PTPRD: variants seen among roughly 807,000 people sequenced by gnomAD.
PTPRD encodes the protein protein tyrosine phosphatase receptor type D.
Under a neutral mutation model 214.5 loss-of-function variants are expected in PTPRD, and 34 were observed. The ratio of observed to expected loss-of-function variants is 0.16; its 90% CI spans 0.12 to 0.21. PTPRD has a LOEUF of 0.21. PTPRD is among the 10% of genes least tolerant of loss of function. PTPRD has a pLI of 1.00. For missense variants in PTPRD, 2,545 were observed against 2,398.7 expected (o/e 1.06, Z -1.27); for synonymous variants, 1,128 against 845.7 (o/e 1.33, Z -5.79).
Position 9,556,030 on chromosome 9 carries a change from G to A in PTPRD, c.-237+18702C>T, listed in dbSNP as rs549486761. On this transcript the variant is annotated intron_variant, in intron 8 of 45. Coordinates refer to ENST00000381196, the MANE Select transcript of PTPRD (RefSeq NM_002839.4). ...AACAATGTGGGGGACCCCACAGGTA[G>A]CCAAAAATCTTTGTGTAACTTTTGA... 3.3e-5 allele frequency among the ~76,000 whole-genome samples: 5 copies of A among 152,180 alleles called. No individual in the cohort carries two copies. In the South Asian group the frequency reaches 1.0e-3, roughly 32 times the overall value.
chr9:9,650,075 T>C (rs1564310111), intron 7 of PTPRD, among the ~76,000 whole-genome samples: 1 of 152,100 alleles, frequency 6.6e-6, no homozygotes, highest in Non-Finnish European at 1.5e-5. Context: ...GGGAGGAACC[T>C]GGTGGGAGGT....
At chr9:10,340,901 A>G (rs781255999) in intron 3 of PTPRD, 62 bp downstream of exon 3, 12 of 151,958 alleles carry the variant, frequency 7.9e-5, no homozygotes, top group Non-Finnish European at 1.3e-4. Context: ...AGAAGCTATT[A>G]TTATGCAATG....
chr9:8,493,006 G>T, intron 26 of PTPRD, 27 bp from the exon 27 acceptor site: 2 of 1,562,470 alleles, frequency 1.3e-6, no homozygotes, highest in East Asian at 2.3e-5. Context: ...GAATGTCACT[G>T]ATTCAAAACA....
intron 9 of PTPRD, among the ~76,000 whole-genome samples, chr9:9,187,467 TG>T (rs1231171742): frequency 6.6e-6 from 1 of 152,110 alleles, no homozygotes; most frequent in Non-Finnish European, 1.5e-5. Context: ...CCCTTTTTTA[TG>T]TGCAGTTTGT....
chr9:10,163,897 G>C (rs531427828), intron 3 of PTPRD, among the ~76,000 whole-genome samples: 1 of 151,332 alleles, frequency 6.6e-6, no homozygotes, highest in African/African-American at 2.4e-5. Context: ...TTCATAACTT[G>C]AATAGTCCTT....
chr9:9,635,140 A>G (rs1887172), intron 7 of PTPRD, among the ~76,000 whole-genome samples: 184 of 152,324 alleles, frequency 1.2e-3, no homozygotes, highest in Admixed American at 9.7e-3. Context: ...CTGTAGCCAC[A>G]CAAACTGGAA....
chr9:10,182,521 C>A (rs2099303972), intron 3 of PTPRD, among the ~76,000 whole-genome samples: 1 of 151,854 alleles, frequency 6.6e-6, no homozygotes, highest in Non-Finnish European at 1.5e-5. Context: ...TACTATTTAT[C>A]AGTAATATCT....
intron 10 of PTPRD, among the ~76,000 whole-genome samples, chr9:9,021,478 G>T (rs1030389192): frequency 8.6e-5 from 13 of 152,038 alleles, no homozygotes; most frequent in African/African-American, 3.1e-4. Flanking sequence ...CAATGACTAT[G>T]TTACTGGTTT....
At chr9:10,533,132 A>G (rs2056859335) in intron 2 of PTPRD, among the ~76,000 whole-genome samples, 1 of 152,090 alleles carries the variant, frequency 6.6e-6, no homozygotes, top group South Asian at 2.1e-4. Context: ...TCTCTCCTAC[A>G]TGATCTCTTT....
intron 10 of PTPRD, among the ~76,000 whole-genome samples, chr9:9,084,578 A>G (rs1414873740): frequency 6.6e-6 from 1 of 152,046 alleles, no homozygotes. Context: ...CCACTGACAC[A>G]CATTTCTGGG....
intron 8 of PTPRD, among the ~76,000 whole-genome samples, chr9:9,559,784 C>T (rs530035059): frequency 1.3e-5 from 2 of 152,316 alleles, no homozygotes; most frequent in East Asian, 3.9e-4. Flanking sequence ...ACAGACCGTA[C>T]AGCTGCCAAC....
intron 11 of PTPRD, among the ~76,000 whole-genome samples, chr9:8,929,731 GTGTATATATA>G (rs1166293165): frequency 1.8e-5 from 2 of 112,810 alleles, no homozygotes; most frequent in African/African-American, 8.0e-5. Context: ...ATATATATAT[GTGTATATATA>G]TGTGTATATA....
At chr9:10,433,367 G>A (rs190473158) in intron 2 of PTPRD, among the ~76,000 whole-genome samples, 1 of 151,952 alleles carries the variant, frequency 6.6e-6, no homozygotes, top group East Asian at 1.9e-4. Context: ...TTCCAGTTTT[G>A]CTAATCGAGG....
chr9:9,953,842 G>T (rs1274311598), intron 4 of PTPRD, among the ~76,000 whole-genome samples: 1 of 152,162 alleles, frequency 6.6e-6, no homozygotes, highest in African/African-American at 2.4e-5. Context: ...TATGCTACAT[G>T]ATGCCCAGAA....
At chr9:8,551,091 T>G (rs2081976856) in intron 14 of PTPRD, among the ~76,000 whole-genome samples, 1 of 152,226 alleles carries the variant, frequency 6.6e-6, no homozygotes, top group African/African-American at 2.4e-5. Context: ...GGGGGTGGTT[T>G]TTGCTCAATA....
intron 7 of PTPRD, among the ~76,000 whole-genome samples, chr9:9,651,827 T>G (rs71497149): frequency 4.6e-5 from 3 of 65,612 alleles, no homozygotes; most frequent in Non-Finnish European, 9.2e-5. Flanking sequence ...TCAAGGTTTG[T>G]TTTTTTTTTT....
At chr9:10,369,361 G>C (rs959271483) in intron 2 of PTPRD, among the ~76,000 whole-genome samples, 12 of 151,986 alleles carry the variant, frequency 7.9e-5, no homozygotes, top group South Asian at 6.2e-4. Context: ...AATTCTCATA[G>C]CCAGGCATCT....
At chr9:8,945,586 A>G (rs1019677307) in intron 11 of PTPRD, among the ~76,000 whole-genome samples, 3 of 152,004 alleles carry the variant, frequency 2.0e-5, no homozygotes, top group African/African-American at 7.2e-5. Context: ...AAGACACAAT[A>G]AACCCTTCAC....
intron 12 of PTPRD, among the ~76,000 whole-genome samples, chr9:8,648,792 AAT>A (rs1319469715): frequency 6.6e-6 from 1 of 152,206 alleles, no homozygotes; most frequent in Non-Finnish European, 1.5e-5. Context: ...GAAGCCATTT[AAT>A]ATAGACACAC....
Sources: gnomAD v4.1 joint callset for allele counts (sites outside exome capture counted in the v4.1 genomes callset) on GRCh38, gnomAD v4.1.1 for gene constraint, MANE v1.5 for transcripts, NCBI Gene and HGNC (gene_info 2026-07-23, HGNC 2026-07-21) for gene names.